The following AGBL1 variants were observed in gnomAD, a reference collection of about 807,000 sequenced individuals.
AGBL1 encodes AGBL carboxypeptidase 1.
Under a neutral mutation model 118.9 loss-of-function variants are expected in AGBL1, and 130 were observed. That is an observed-to-expected ratio of 1.09 (90% CI 0.95 to 1.26). The LOEUF (loss-of-function observed/expected upper bound fraction) is 1.26. Among genes scored for constraint, AGBL1 ranks in the 50% most tolerant of loss-of-function variants. The pLI is 0.00. For missense variants in AGBL1, 1,584 were observed against 1,298.1 expected, an observed-to-expected ratio of 1.22 and a Z score of -3.38; for synonymous variants, 555 against 478.9, an observed-to-expected ratio of 1.16 and a Z score of -2.08.
chr15:86,111,940 G>A (rs560874709), intron 1 of AGBL1, among the ~76,000 whole-genome samples: 6 of 152,208 alleles, frequency 3.9e-5, no homozygotes, highest in Non-Finnish European at 8.8e-5. Flanking sequence ...ATAGGAGCAC[G>A]AGCCCTGTCG....
chr15:86,486,073 C>G (rs1284788592), intron 18 of AGBL1, among the ~76,000 whole-genome samples: 1 of 152,086 alleles, frequency 6.6e-6, no homozygotes, highest in African/African-American at 2.4e-5. Flanking sequence ...TACTTAACCT[C>G]TGCACAGCTT....
chr15:86,704,354 T>C (rs2086411376), intron 22 of AGBL1, among the ~76,000 whole-genome samples: 1 of 152,122 alleles, frequency 6.6e-6, no homozygotes, highest in East Asian at 1.9e-4. Flanking sequence ...ACAGGCACCC[T>C]ACAGAATAGG....
At chr15:86,434,620 C>T (rs549835476) in intron 18 of AGBL1, among the ~76,000 whole-genome samples, 13 of 152,288 alleles carry the variant, frequency 8.5e-5, no homozygotes, top group African/African-American at 1.9e-4. Context: ...AGAATAAAAT[C>T]GGTCATGGGC....
intron 21 of AGBL1, among the ~76,000 whole-genome samples, chr15:86,640,942 G>A (rs538884802): frequency 7.0e-6 from 1 of 142,324 alleles, no homozygotes; most frequent in African/African-American, 2.6e-5. Flanking sequence ...ACTTAGTTTT[G>A]TTTTTATTTT....
chr15:86,197,220 T>C (rs1284037625), intron 5 of AGBL1, among the ~76,000 whole-genome samples: 2 of 152,124 alleles, frequency 1.3e-5, no homozygotes, highest in Non-Finnish European at 2.9e-5. Flanking sequence ...AGAAAACGCC[T>C]AGGTTGCTGT....
Position 86,187,580 on chromosome 15 carries a change from G to A in AGBL1, c.488+28554G>A, listed in dbSNP as rs377181121. On this transcript the variant is annotated intron_variant, in intron 5 of 22. Transcript: ENST00000614907. ...ACACCTTAAAAACAGGTATAATAGT[G>A]CTTGTCCTATGGAGCTGTGGTGAGA... Among the ~76,000 whole-genome samples the A allele has an allele frequency of 2.2e-4, 33 of 152,306 alleles. No homozygotes were observed. The East Asian group carries it at 4.4e-3, about 20-fold the overall frequency.
chr15:86,470,780 T>A (rs937313572), intron 18 of AGBL1, among the ~76,000 whole-genome samples: 1 of 152,156 alleles, frequency 6.6e-6, no homozygotes, highest in African/African-American at 2.4e-5. Flanking sequence ...AGTGTTTTTT[T>A]AATGCTATTG....
chr15:86,345,319 G>A (rs918932149), intron 17 of AGBL1, among the ~76,000 whole-genome samples: 1 of 152,022 alleles, frequency 6.6e-6, no homozygotes, highest in Admixed American at 6.6e-5. Flanking sequence ...CATCCCCCTG[G>A]TGTTTAACCT....
At chr15:86,986,988 C>T (rs952003952) in intron 23 of AGBL1, among the ~76,000 whole-genome samples, 24 of 151,638 alleles carry the variant, frequency 1.6e-4, no homozygotes, top group Non-Finnish European at 3.2e-4. Flanking sequence ...TGTTCTCAGG[C>T]GGGCAGGAGT....
intron 6 of AGBL1, among the ~76,000 whole-genome samples, chr15:86,246,217 C>G (rs1055295202): frequency 2.0e-5 from 3 of 152,172 alleles, no homozygotes; most frequent in African/African-American, 2.4e-5. Context: ...CTTGGGGTCT[C>G]TTTCAAGAGT....
chr15:86,625,427 A>T (rs1489576002), intron 21 of AGBL1, among the ~76,000 whole-genome samples: 1 of 128,162 alleles, frequency 7.8e-6, no homozygotes, highest in East Asian at 2.4e-4. Flanking sequence ...AGGGCCTGTG[A>T]GACTAAAAGA....
chr15:86,091,264 A>G (rs1896005421), intron 1 of AGBL1, among the ~76,000 whole-genome samples: 1 of 152,172 alleles, frequency 6.6e-6, no homozygotes, highest in South Asian at 2.1e-4. Flanking sequence ...AGGTTTTCAG[A>G]ATTTTATCAG....
chr15:86,485,420 A>T (rs1299995627), intron 18 of AGBL1, among the ~76,000 whole-genome samples: 1 of 152,154 alleles, frequency 6.6e-6, no homozygotes, highest in Admixed American at 6.6e-5. Flanking sequence ...TGCAGGATCA[A>T]ACAAATCCTT....
intron 5 of AGBL1, among the ~76,000 whole-genome samples, chr15:86,216,595 G>C (rs2078193327): frequency 6.6e-6 from 1 of 152,148 alleles, no homozygotes; most frequent in Non-Finnish European, 1.5e-5. Flanking sequence ...AACCAACCCT[G>C]CATTCCTGGA....
At chr15:86,476,200 A>T (rs1295345515) in intron 18 of AGBL1, among the ~76,000 whole-genome samples, 1 of 152,240 alleles carries the variant, frequency 6.6e-6, no homozygotes, top group Non-Finnish European at 1.5e-5. Flanking sequence ...AGCTAACATC[A>T]TAATGACAGG....
intron 21 of AGBL1, among the ~76,000 whole-genome samples, chr15:86,638,103 G>T (rs1227272398): frequency 6.6e-6 from 1 of 152,042 alleles, no homozygotes; most frequent in Admixed American, 6.6e-5. Context: ...ACTTGGCACA[G>T]GCTAGAGACC....
At chr15:86,452,118 G>A (rs1288864321) in intron 18 of AGBL1, among the ~76,000 whole-genome samples, 1 of 152,056 alleles carries the variant, frequency 6.6e-6, no homozygotes, top group African/African-American at 2.4e-5. Flanking sequence ...GAAATCTTAG[G>A]AATAATCTGA....
At chr15:86,804,436 C>T (rs1165716071) in intron 22 of AGBL1, among the ~76,000 whole-genome samples, 1 of 152,078 alleles carries the variant, frequency 6.6e-6, no homozygotes, top group East Asian at 1.9e-4. Context: ...TTCTCCTTAG[C>T]TGGTTCTCTG....
intron 22 of AGBL1, among the ~76,000 whole-genome samples, chr15:86,814,507 C>T (rs2078833434): frequency 6.6e-6 from 1 of 152,150 alleles, no homozygotes; most frequent in Non-Finnish European, 1.5e-5. Context: ...TAAAAGCTTG[C>T]CCACAGAAGC....
Sources: gnomAD v4.1 joint callset for allele counts (sites outside exome capture counted in the v4.1 genomes callset) on GRCh38, gnomAD v4.1.1 for gene constraint, MANE v1.5 for transcripts, NCBI Gene and HGNC (gene_info 2026-07-23, HGNC 2026-07-21) for gene names.